The following RAD54L variants were observed in gnomAD, a reference collection of about 807,000 sequenced individuals.
RAD54L encodes the protein RAD54 like, also known as DNA repair and recombination protein RAD54-like.
Under a neutral mutation model 91.6 loss-of-function variants are expected in RAD54L, and 74 were observed. The ratio of observed to expected loss-of-function variants is 0.81; its 90% CI spans 0.67 to 0.98. RAD54L has a LOEUF of 0.98. Among genes scored for constraint, RAD54L ranks in the 50% least tolerant of loss-of-function variants. The probability of loss-of-function intolerance (pLI) is 0.00; values close to 1 mark genes in which losing one functional copy is unlikely to be tolerated. For synonymous variants in RAD54L, 304 were observed against 349.7 expected (o/e 0.87, Z 1.46); for missense variants, 887 against 945.7 (o/e 0.94, Z 0.81).
At chr1:46,253,720 C>CTTTTTTTTTTTTTTTTTTTTTT (rs3063981) in intron 3 of RAD54L, among the ~76,000 whole-genome samples, 1 of 83,598 alleles carries the variant, frequency 1.2e-5, no homozygotes, top group East Asian at 4.3e-4. Context: ...CTTAGGTACT[C>CTTTTTTTTTTTTTTTTTTTTTT]TTTTTTTTTT....
intron 12 of RAD54L, 136 bp downstream of exon 12, chr1:46,272,938 C>G: frequency 7.7e-7 from 1 of 1,304,862 alleles, no homozygotes; most frequent in Non-Finnish European, 1.1e-6. Context: ...CCAACCCTAC[C>G]CAAGGCATGA....
At chr1:46,248,866 T>C (rs142118755) in intron 2 of RAD54L, among the ~76,000 whole-genome samples, 10 of 152,296 alleles carry the variant, frequency 6.6e-5, no homozygotes, top group African/African-American at 2.4e-4. Flanking sequence ...CTTTTGACTC[T>C]GCTTGGAAAA....
chr1:46,264,977 T>C (rs1259245324), intron 8 of RAD54L, among the ~76,000 whole-genome samples: 2 of 152,198 alleles, frequency 1.3e-5, no homozygotes, highest in Non-Finnish European at 2.9e-5. Flanking sequence ...GGTTATTTAT[T>C]AAGTGCCTTT....
chr1:46,260,877 G>A lies in RAD54L; in HGVS notation c.628G>A (p.Glu210Lys). Reference sequence around the variant, plus strand: ...ACGCCAGAGTCCAGAGTGCAAGCCAGAAATTGACAAGGCAGTGGTGGTGTC... The same window carrying A: ...ACGCCAGAGTCCAGAGTGCAAGCCAAAAATTGACAAGGCAGTGGTGGTGTC... ...LLRQSPECKPEIDKAVVVSPS... is the reference protein window; with the variant it reads ...LLRQSPECKPKIDKAVVVSPS... Residue 210 changes from glutamate (E) to lysine (K), a missense_variant, in exon 7 of 18, where the codon GAA (glutamate) becomes AAA (lysine). Glu to Lys is a moderately conservative substitution (Grantham distance 56). Coordinates refer to ENST00000371975, the MANE Select transcript of RAD54L (RefSeq NM_003579.4). 1.2e-6 allele frequency: 2 copies of A among 1,614,256 alleles called. No individual in the cohort carries two copies. The highest frequency in any genetic ancestry group is 2.2e-5 in the South Asian group (2 of 91,086).
intron 9 of RAD54L, among the ~76,000 whole-genome samples, chr1:46,269,400 C>T (rs5019033): frequency 0.26 from 39,204 of 151,124 alleles, 6,250 homozygotes; most frequent in East Asian, 0.47. Flanking sequence ...CCTTAACTTC[C>T]GGGCTCTAGT....
chr1:46,248,108 C>T lies in RAD54L; in HGVS notation c.-298C>T. On this transcript the variant is annotated 5_prime_UTR_variant, in exon 1 of 18. Transcript: ENST00000371975. ...GACCATCATCCCCACTCCACTCCGC[C>T]CAGTCTGGGACTCCACCTGCCTCCT... 1 of 512,014 alleles carries T rather than the reference C, an allele frequency of 2.0e-6. No homozygotes were observed. The highest frequency in any genetic ancestry group is 2.0e-5 in the South Asian group (1 of 49,294). The allele number at this position is 512,014 out of a possible 1,614,324, so 31.7% of individuals were successfully genotyped here.
At chr1:46,259,234 C>T (rs1476018084) in intron 4 of RAD54L, among the ~76,000 whole-genome samples, 6 of 151,108 alleles carry the variant, frequency 4.0e-5, no homozygotes, top group African/African-American at 9.7e-5. Flanking sequence ...AGGCTGATCT[C>T]GAACTCCTGG....
chr1:46,268,716 T>A (rs1482106879), intron 9 of RAD54L, among the ~76,000 whole-genome samples: 1 of 152,146 alleles, frequency 6.6e-6, no homozygotes, highest in African/African-American at 2.4e-5. Flanking sequence ...AGTTTGTTCA[T>A]TTTCATAATT....
intron 16 of RAD54L, 26 bp from the exon 17 acceptor site, chr1:46,277,791 G>T: frequency 1.9e-6 from 3 of 1,585,436 alleles, no homozygotes; most frequent in South Asian, 2.2e-5. Flanking sequence ...TGTATCTTTT[G>T]ACATTCCCCA....
chr1:46,257,012 C>T (rs548468831), intron 3 of RAD54L, among the ~76,000 whole-genome samples: 64 of 151,852 alleles, frequency 4.2e-4, no homozygotes, highest in Non-Finnish European at 8.1e-4. Flanking sequence ...GGTGTGGTGG[C>T]GTGTGCCTGT....
At chr1:46,261,922 G>T (rs1203439775) in intron 8 of RAD54L, among the ~76,000 whole-genome samples, 2 of 152,056 alleles carry the variant, frequency 1.3e-5, no homozygotes, top group African/African-American at 4.8e-5. Flanking sequence ...TTGAGCCCAG[G>T]AGTTTGGGAC....
intron 12 of RAD54L, 148 bp downstream of exon 12, chr1:46,272,950 C>A (rs1380528486): frequency 1.6e-6 from 2 of 1,225,904 alleles, no homozygotes; most frequent in Non-Finnish European, 2.3e-6. Context: ...AAGGCATGAA[C>A]CCTGCATTGT....
chr1:46,278,181 C>A lies in RAD54L; in HGVS notation c.2143C>A (p.Leu715Ile). The change falls in exon 18 of 18, where the codon CTC becomes ATC. Residue 715 changes from leucine to isoleucine, a missense_variant. Transcript: ENST00000371975. The stretch of plus-strand genomic sequence containing the variant: ...GAACCACTGCACTGATAAGTGGGGG[C>A]TCCGGGATGAGGTACTCCAGGCTGC... ...GWNHCTDKWG[L>I]RDEVLQAAWD... is the part of the protein sequence containing the mutation. 2 of 1,613,796 alleles carry A rather than the reference C, an allele frequency of 1.2e-6. No individual in the cohort carries two copies. Among genetic ancestry groups the A allele is most frequent in the African/African-American group, 1.3e-5 (1 of 75,042 alleles).
chr1:46,255,242 G>A (rs1659908686), intron 3 of RAD54L, among the ~76,000 whole-genome samples: 2 of 152,128 alleles, frequency 1.3e-5, no homozygotes, highest in South Asian at 4.1e-4. Context: ...TTTAAATGCT[G>A]GTAAGAGCTA....
rs1251378394 is a variant in RAD54L at position 46,260,062 on chromosome 1, C to A, written c.370C>A (p.Pro124Thr). The A allele has an allele frequency of 1.2e-6, 2 of 1,614,044 alleles. No homozygotes were observed. The highest frequency in any genetic ancestry group is 2.2e-5 in the East Asian group (1 of 44,896). The stretch of plus-strand genomic sequence containing the variant: ...AGATGCCTTGGTTCTGTATGAGCCT[C>A]CCCCGCTGAGCGCTCATGACCAGCT... ...EKDALVLYEP[P>T]PLSAHDQLKL... The change falls in exon 5 of 18, where the codon CCC becomes ACC. Residue 124 changes from proline (P) to threonine (T), a missense_variant. Coordinates refer to ENST00000371975, the MANE Select transcript of RAD54L (RefSeq NM_003579.4).
chr1:46,261,815 A>G (rs1325759995), intron 8 of RAD54L, among the ~76,000 whole-genome samples: 1 of 152,154 alleles, frequency 6.6e-6, no homozygotes, highest in Non-Finnish European at 1.5e-5. Flanking sequence ...TTTTCCAAAG[A>G]GGTTTTTGAG....
At position 46,273,368 on chromosome 1, in the gene RAD54L, C is replaced by T. The variant is rs762177990; in HGVS notation, c.1389C>T (p.Ile463=). Residue 463 remains isoleucine, a synonymous_variant, in exon 13 of 18, where the codon ATC becomes ATT. Transcript: ENST00000371975. ...LKKLCNHPAL[I]YDKCVEEEDG... The stretch of plus-strand genomic sequence containing the variant: ...GTTTTCTCCCAGATCCAGCTCTAAT[C>T]TATGATAAGTGTGTGGAAGAGGAGG... 2 of 1,612,678 alleles carry T rather than the reference C, an allele frequency of 1.2e-6. No homozygotes were observed. The highest frequency in any genetic ancestry group is 1.7e-6 in the Non-Finnish European group (2 of 1,178,654).
chr1:46,273,619 C>T lies in RAD54L; in HGVS notation c.1487-5C>T. 6.2e-7 allele frequency: 1 copy of T among 1,613,300 alleles called. No homozygotes were observed. The highest frequency in any genetic ancestry group is 2.2e-5 in the East Asian group (1 of 44,876). ...TAGGGGACTGCTGGTTGCTGCTCTT[C>T]CCAGGTAAGATGCTGGTCCTGGATT... On this transcript the variant is annotated splice_polypyrimidine_tract_variant and splice_region_variant and intron_variant, in intron 13 of 17. Coordinates refer to ENST00000371975, the MANE Select transcript of RAD54L (RefSeq NM_003579.4).
chr1:46,276,090 A>G (rs1660591743), intron 16 of RAD54L, among the ~76,000 whole-genome samples: 1 of 152,136 alleles, frequency 6.6e-6, no homozygotes, highest in African/African-American at 2.4e-5. Flanking sequence ...CTAAATCCCT[A>G]TTTCTACCAC....
Sources: gnomAD v4.1 joint callset for allele counts (sites outside exome capture counted in the v4.1 genomes callset) on GRCh38, gnomAD v4.1.1 for gene constraint, MANE v1.5 for transcripts, NCBI Gene and HGNC (gene_info 2026-07-23, HGNC 2026-07-21) for gene names.